Variants in DEPDC5 observed in about 807,000 individuals in gnomAD.
DEPDC5 encodes the protein GATOR1 complex protein DEPDC5.
Under a neutral mutation model 217.3 loss-of-function variants are expected in DEPDC5, and 73 were observed. The ratio of observed to expected loss-of-function variants is 0.34; its 90% CI spans 0.28 to 0.41. The LOEUF is 0.41. DEPDC5 is among the 10% of genes least tolerant of loss of function. The pLI, the probability that DEPDC5 is intolerant of heterozygous loss-of-function variation, is 1.00. For synonymous variants in DEPDC5, 733 were observed against 756.7 expected (o/e 0.97, Z 0.51); for missense variants, 1,675 against 2,070.1 (o/e 0.81, Z 3.70).
chr22:31,826,066 G>C (rs950660031), intron 24 of DEPDC5, among the ~76,000 whole-genome samples: 22 of 152,016 alleles, frequency 1.4e-4, no homozygotes, highest in Non-Finnish European at 2.5e-4. Context: ...GAGTGCAGTG[G>C]TGCGATCTCA....
Position 31,888,143 on chromosome 22 carries a change from G to A in DEPDC5, c.4034-5439G>A, listed in dbSNP as rs115828279. ...TGCAGTCACCCTGGGCTGCTCACCT[G>A]GGAAGCAGCAGGAGCATCTGAGACT... is the stretch of plus-strand genomic sequence containing the variant. On this transcript the variant is annotated intron_variant, in intron 38 of 42. Coordinates refer to ENST00000651528, the MANE Select transcript of DEPDC5 (RefSeq NM_001242896.3). Among the ~76,000 whole-genome samples the A allele has an allele frequency of 4.2e-3, 640 of 152,002 alleles. 3 individuals are homozygous for A. The highest frequency in any genetic ancestry group is 0.015 in the African/African-American group (612 of 41,440).
chr22:31,878,185 C>CA (rs112151571), intron 37 of DEPDC5, among the ~76,000 whole-genome samples: 2,185 of 125,228 alleles, frequency 0.017, 16 homozygotes, highest in Middle Eastern at 0.034. Context: ...GACTCCATCT[C>CA]AAAAAAAAAA....
At chr22:31,893,943 A>G (rs1859514844) in intron 39 of DEPDC5, 192 bp downstream of exon 39, 1 of 601,000 alleles carries the variant, frequency 1.7e-6, no homozygotes, top group Non-Finnish European at 2.6e-6. Context: ...AGGTAGAATC[A>G]GGGTTTCTTA....
At chr22:31,822,823 G>A (rs1470220517) in intron 24 of DEPDC5, 33 bp downstream of exon 24, 2 of 1,600,352 alleles carry the variant, frequency 1.2e-6, no homozygotes, top group South Asian at 2.2e-5. Context: ...GAGTTGGGAT[G>A]TTTAGATCAG....
Position 31,906,050 on chromosome 22 carries a change from G to A in DEPDC5, c.4503G>A (p.Gln1501=). Residue 1501 remains glutamine, a synonymous_variant, in exon 42 of 43, where the codon CAG becomes CAA. Coordinates refer to ENST00000651528, the MANE Select transcript of DEPDC5 (RefSeq NM_001242896.3). This position sits in a 1 kb window ranked among gnomAD's most constrained non-coding sequence, Gnocchi z 5.1. The part of the protein sequence containing the change: ...AFNFPAENKP[Q]YIHVTGTVFL... ...ACTTCCCTGCTGAGAACAAGCCTCAGTATATCCACGTTACAGGTGAGGAGC... is the reference window on the plus strand; with the variant it reads ...ACTTCCCTGCTGAGAACAAGCCTCAATATATCCACGTTACAGGTGAGGAGC... 1 of 1,614,162 alleles carries A rather than the reference G, an allele frequency of 6.2e-7. No individual in the cohort carries two copies. Among genetic ancestry groups the A allele is most frequent in the Non-Finnish European group, 8.5e-7 (1 of 1,180,038 alleles).
intron 7 of DEPDC5, among the ~76,000 whole-genome samples, chr22:31,771,204 C>A (rs1489254055): frequency 6.6e-6 from 1 of 152,118 alleles, no homozygotes; most frequent in Non-Finnish European, 1.5e-5. Context: ...TAGCCAGAAT[C>A]CTTCTGTAAA....
intron 24 of DEPDC5, among the ~76,000 whole-genome samples, chr22:31,823,577 A>G (rs1602177199): frequency 6.6e-6 from 1 of 151,274 alleles, no homozygotes; most frequent in East Asian, 1.9e-4. Flanking sequence ...CGCACCAAAG[A>G]CTTGAAGGGT....
At chr22:31,783,326 G>A (rs140467097) in intron 8 of DEPDC5, among the ~76,000 whole-genome samples, 189 of 152,142 alleles carry the variant, frequency 1.2e-3, no homozygotes, top group African/African-American at 4.4e-3. Flanking sequence ...AAGGTGGTCC[G>A]TGCCACCTTT....
Position 31,798,387 on chromosome 22 carries a change from G to A in DEPDC5, c.872-195G>A, listed in dbSNP as rs186735242. 2.9e-3 allele frequency among the ~76,000 whole-genome samples: 435 copies of A among 152,194 alleles called. 2 individuals are homozygous for A. Among genetic ancestry groups the A allele is most frequent in the African/African-American group, 9.0e-3 (374 of 41,528 alleles). ...ACAAAAATTAGCCTTGTGTGGTGGCGTGCGCCTGTAGTCCCAGCTACTCGG... is the reference window on the plus strand; with the variant it reads ...ACAAAAATTAGCCTTGTGTGGTGGCATGCGCCTGTAGTCCCAGCTACTCGG... On this transcript the variant is annotated intron_variant, in intron 13 of 42. Coordinates refer to ENST00000651528, the MANE Select transcript of DEPDC5 (RefSeq NM_001242896.3).
intron 2 of DEPDC5, 28 bp from the exon 3 acceptor site, chr22:31,758,518 T>C: frequency 6.2e-7 from 1 of 1,606,352 alleles, no homozygotes; most frequent in Non-Finnish European, 8.5e-7. Flanking sequence ...AGTGTTTTTC[T>C]ACTTGAAGTG....
At position 31,837,148 on chromosome 22, in the gene DEPDC5, A is replaced by T. The variant is rs1479941161; in HGVS notation, c.2347A>T (p.Ile783Phe). 2 of 1,614,182 alleles carry T rather than the reference A, an allele frequency of 1.2e-6. No individual in the cohort carries two copies. The highest frequency in any genetic ancestry group is 4.5e-5 in the East Asian group (2 of 44,882). ...TTATGATCTCCTTCCAGAAGCAGAC[A>T]TCGACAGGTCAGTGTCAGAGAAAAA... ...GCYDLLPEADIDRRDEDGVQM... is the reference protein window; with the variant it reads ...GCYDLLPEADFDRRDEDGVQM... The change falls in exon 26 of 43, where the codon ATC (isoleucine) becomes TTC (phenylalanine). Residue 783 changes from isoleucine (I) to phenylalanine (F), a missense_variant. By Grantham distance (21) the Ile-to-Phe change is conservative. This residue lies in a region of DEPDC5 where 293 missense variants were observed against 386.1 expected (regional missense o/e 0.76). Coordinates refer to ENST00000651528, the MANE Select transcript of DEPDC5 (RefSeq NM_001242896.3).
intron 38 of DEPDC5, among the ~76,000 whole-genome samples, chr22:31,883,769 A>G (rs2093239422): frequency 6.6e-6 from 1 of 152,212 alleles, no homozygotes; most frequent in South Asian, 2.1e-4. Context: ...CAAGGAGACA[A>G]AAGTCAAAGC....
chr22:31,782,931 A>T (rs2084600377), intron 8 of DEPDC5, among the ~76,000 whole-genome samples: 1 of 152,208 alleles, frequency 6.6e-6, no homozygotes. Flanking sequence ...TGCTTTTAGA[A>T]GTCCCAAGTC....
intron 23 of DEPDC5, among the ~76,000 whole-genome samples, chr22:31,822,003 C>G (rs2089739509): frequency 6.6e-6 from 1 of 152,216 alleles, no homozygotes. Flanking sequence ...TTTGGGCAAC[C>G]TCTCTGACTT....
At chr22:31,771,760 CA>C (rs2083385682) in intron 7 of DEPDC5, among the ~76,000 whole-genome samples, 1 of 136,370 alleles carries the variant, frequency 7.3e-6, no homozygotes, top group African/African-American at 2.6e-5. Context: ...CACACACACA[CA>C]CACACACACA....
At chr22:31,905,709 T>A (rs1309126123) in intron 41 of DEPDC5, among the ~76,000 whole-genome samples, 2 of 151,874 alleles carry the variant, frequency 1.3e-5, no homozygotes, top group Non-Finnish European at 2.9e-5. Flanking sequence ...GTGGGAAGGC[T>A]TTCTTTCACT....
intron 8 of DEPDC5, among the ~76,000 whole-genome samples, chr22:31,780,822 T>G (rs2084355204): frequency 6.6e-6 from 1 of 152,218 alleles, no homozygotes; most frequent in Admixed American, 6.5e-5. Flanking sequence ...GACTGCATCT[T>G]TAACCTTTAT....
intron 37 of DEPDC5, among the ~76,000 whole-genome samples, chr22:31,879,121 T>TATATATACATATATATACAC (rs1555918712): frequency 2.2e-4 from 21 of 95,738 alleles, no homozygotes; most frequent in Middle Eastern, 5.5e-3. Context: ...TATATACACA[T>TATATATACATATATATACAC]ATATATATAC....
intron 36 of DEPDC5, chr22:31,875,675 T>G (rs2092971915): frequency 7.2e-6 from 1 of 138,820 alleles, no homozygotes; most frequent in Non-Finnish European, 1.5e-5. Context: ...CTTCGTCGCC[T>G]AGGCTGGAGT....
Sources: allele counts gnomAD v4.1 joint callset (sites outside exome capture counted in the v4.1 genomes callset), GRCh38; gene constraint gnomAD v4.1.1; regional missense constraint gnomAD v4.1.1; non-coding constraint Gnocchi (gnomAD v3.1); transcripts MANE v1.5; gene names NCBI Gene and HGNC (gene_info 2026-07-23, HGNC 2026-07-21).